The following ROBO3 variants were observed in gnomAD, a reference collection of about 807,000 sequenced individuals.
ROBO3 encodes the protein roundabout guidance receptor 3, also known as roundabout homolog 3.
In ROBO3, 97 loss-of-function variants were observed where a neutral mutation model predicts 160.5. The observed-to-expected ratio is 0.60, with a 90% confidence interval of 0.51 to 0.72. The LOEUF (loss-of-function observed/expected upper bound fraction) is 0.72, where lower values mean the gene tolerates loss of function less well. Ranked by LOEUF, ROBO3 falls within the 30% of genes least tolerant of loss-of-function variation. ROBO3 has a pLI of 0.00. For synonymous variants in ROBO3, 780 were observed against 746.2 expected, an observed-to-expected ratio of 1.05 and a Z score of -0.74; for missense variants, 1,858 against 1,846.5, an observed-to-expected ratio of 1.01 and a Z score of -0.11.
rs1258806403 is a variant in ROBO3, at chr11:124,869,587, G to A, written c.625G>A (p.Glu209Lys). 8 of 1,574,150 alleles carry A rather than the reference G, an allele frequency of 5.1e-6. No homozygotes were observed. The highest frequency in any genetic ancestry group is 1.3e-5 in the African/African-American group (1 of 74,200). The change falls in exon 3 of 28, where the codon GAA becomes AAA. Residue 209 changes from glutamate to lysine, a missense_variant. Glu to Lys is a moderately conservative substitution (Grantham distance 56). Transcript: ENST00000397801. The surrounding 1 kb of genome is among the most constrained non-coding windows in gnomAD (Gnocchi z 4.2). ...SWRKDGARLK[E>K]EEGRITIRGG... The stretch of plus-strand genomic sequence containing the variant: ...GAGGAAGGACGGTGCAAGACTCAAG[G>A]AAGAGGAAGGAAGGATCACGGTGAG...
At position 124,869,541 on chromosome 11, in the gene ROBO3, C is replaced by G; in HGVS notation, c.579C>G (p.His193Gln). Residue 193 changes from histidine to glutamine, a missense_variant, in exon 3 of 28, where the codon CAC becomes CAG. By Grantham distance (24) the His-to-Gln change is conservative. Transcript: ENST00000397801. The surrounding 1 kb of genome is among the most constrained non-coding windows in gnomAD (Gnocchi z 4.2). The part of the protein sequence containing the change: ...AVLECVPPRG[H>Q]PEPSVSWRKD... ...TGGAATGCGTGCCCCCCCGCGGCCA[C>G]CCGGAGCCTTCCGTGTCCTGGAGGA... is the stretch of plus-strand genomic sequence containing the variant. 4.5e-6 allele frequency: 7 copies of G among 1,565,512 alleles called. No individual in the cohort carries two copies. Among genetic ancestry groups the G allele is most frequent in the Admixed American group, 1.9e-5 (1 of 52,700 alleles).
rs1308214801 is a variant in ROBO3 at position 124,872,102 on chromosome 11, T to A, written c.1159-279T>A. Among the ~76,000 whole-genome samples the A allele has an allele frequency of 6.6e-6, 1 of 152,210 alleles. No homozygotes were observed. The highest frequency in any genetic ancestry group is 2.4e-5 in the African/African-American group (1 of 41,448). On this transcript the variant is annotated intron_variant, in intron 7 of 27. Coordinates refer to ENST00000397801, the MANE Select transcript of ROBO3 (RefSeq NM_022370.4). The surrounding 1 kb of genome is among the most constrained non-coding windows in gnomAD (Gnocchi z 4.3). Reference sequence around the variant, plus strand: ...TATAACTATCCTCTAGAAGTCAAATTTGGGAAATTGGGGCTCAGGCAGGTT... The same window carrying A: ...TATAACTATCCTCTAGAAGTCAAATATGGGAAATTGGGGCTCAGGCAGGTT...
chr11:124,876,118 GC>G lies in ROBO3; in HGVS notation c.2587del (p.Gln863SerfsTer141). 1 of 1,600,632 alleles carries G rather than the reference GC, an allele frequency of 6.2e-7. No individual in the cohort carries two copies. The highest frequency in any genetic ancestry group is 8.5e-7 in the Non-Finnish European group (1 of 1,176,518). On this transcript the variant is annotated frameshift_variant, in exon 16 of 28. Coordinates refer to ENST00000397801, the MANE Select transcript of ROBO3 (RefSeq NM_022370.4). LOFTEE classifies it high-confidence loss of function. The surrounding 1 kb of genome is among the most constrained non-coding windows in gnomAD (Gnocchi z 5.3). ...VGVPSAPVLVQLPSPPDLEPG... is the reference protein window; with the variant it reads ...VGVPSAPVLVXLPSPPDLEPG... ...GCGTGCCCAGTGCCCCAGTGCTGGT[GC>G]AGCTGCGTGAGTCCACCCGAGGGCA...
At position 124,876,084 on chromosome 11, in the gene ROBO3, C is replaced by A; in HGVS notation, c.2552C>A (p.Ala851Glu). 1 of 1,608,722 alleles carries A rather than the reference C, an allele frequency of 6.2e-7. No homozygotes were observed. Among genetic ancestry groups the A allele is most frequent in the Non-Finnish European group, 8.5e-7 (1 of 1,179,460 alleles). Residue 851 changes from alanine to glutamate, a missense_variant, in exon 16 of 28, where the codon GCA (alanine) becomes GAA (glutamate). Physicochemically the swap from Ala to Glu is moderately radical, Grantham distance 107 (BLOSUM62 -1). Transcript: ENST00000397801. The surrounding 1 kb of genome is among the most constrained non-coding windows in gnomAD (Gnocchi z 5.3). Reference sequence around the variant, plus strand: ...ACCCTGGTCGCGGCGGCCACCAGCGCAGGCGTGGGCGTGCCCAGTGCCCCA... The same window carrying A: ...ACCCTGGTCGCGGCGGCCACCAGCGAAGGCGTGGGCGTGCCCAGTGCCCCA... Reference protein sequence around the residue: ...YRTLVAAATSAGVGVPSAPVL... With the variant: ...YRTLVAAATSEGVGVPSAPVL...
rs1218601437 is a variant in ROBO3, at chr11:124,879,510, G to C, written c.3731G>C (p.Gly1244Ala). Residue 1244 changes from glycine (G) to alanine (A), a missense_variant, in exon 25 of 28, where the codon GGA (glycine) becomes GCA (alanine). Transcript: ENST00000397801. ...GGGGAGATGACTCCCCCACTTCAAGGACCCCGTGCTCGATTCCGGAAGAAA... is the reference window on the plus strand; with the variant it reads ...GGGGAGATGACTCCCCCACTTCAAGCACCCCGTGCTCGATTCCGGAAGAAA... ...GNGEMTPPLQ[G>A]PRARFRKKPK... The C allele has an allele frequency of 6.8e-6, 11 of 1,613,784 alleles. No individual in the cohort carries two copies. In the Admixed American group the frequency reaches 8.3e-5, roughly 12 times the overall value.
At position 124,870,186 on chromosome 11, in the gene ROBO3, G is replaced by T. The variant is rs1239902316; in HGVS notation, c.788G>T (p.Arg263Ile). The T allele has an allele frequency of 1.9e-5, 30 of 1,614,046 alleles. No individual in the cohort carries two copies. The highest frequency in any genetic ancestry group is 2.5e-5 in the Non-Finnish European group (30 of 1,179,894). The change falls in exon 5 of 28, where the codon AGA becomes ATA. Residue 263 changes from arginine (R) to isoleucine (I), a missense_variant. By Grantham distance (97) the Arg-to-Ile change is moderately conservative. Coordinates refer to ENST00000397801, the MANE Select transcript of ROBO3 (RefSeq NM_022370.4). ...MVLERPSFLR[R>I]PVNQVVLADA... is the part of the protein sequence containing the mutation. The stretch of plus-strand genomic sequence containing the variant: ...ATAGAGCGTCCCTCATTCCTGCGCA[G>T]ACCAGTGAATCAGGTGGTCCTGGCT...
At chr11:124,871,686 G>A (rs1290941692) in intron 7 of ROBO3, among the ~76,000 whole-genome samples, 2 of 152,298 alleles carry the variant, frequency 1.3e-5, no homozygotes, top group South Asian at 2.1e-4. Flanking sequence ...TCTCTCTAAA[G>A]GAAGGGTAGG....
Position 124,878,870 on chromosome 11 carries a change from G to A in ROBO3, c.3533+74G>A. Reference sequence around the variant, plus strand: ...CTACTCAGTAGATGACTGGGTGGGTGGATGGATGGATGGGTGGATGGATCT... The same window carrying A: ...CTACTCAGTAGATGACTGGGTGGGTAGATGGATGGATGGGTGGATGGATCT... On this transcript the variant is annotated intron_variant, in intron 23 of 27. Coordinates refer to ENST00000397801, the MANE Select transcript of ROBO3 (RefSeq NM_022370.4). The surrounding 1 kb of genome is among the most constrained non-coding windows in gnomAD (Gnocchi z 4.3). 3 of 1,217,234 alleles carry A rather than the reference G, an allele frequency of 2.5e-6. No homozygotes were observed. The highest frequency in any genetic ancestry group is 3.5e-6 in the Non-Finnish European group (3 of 855,426). 75.4% of individuals were successfully genotyped at this position (1,217,234 alleles called of 1,614,324 possible). A position where few individuals can be genotyped will look rare whatever the true frequency, so the allele number is the denominator to read the frequency against.
chr11:124,875,579 C>T lies in ROBO3; in HGVS notation c.2315C>T (p.Pro772Leu). Residue 772 changes from proline (P) to leucine (L), a missense_variant, in exon 15 of 28, where the codon CCA becomes CTA. Physicochemically the swap from Pro to Leu is moderately conservative, Grantham distance 98. Transcript: ENST00000397801. The stretch of plus-strand genomic sequence containing the variant: ...CCTGGCCCAGCCCCCAGTGGCCCCC[C>T]ACAGGGAGTGGCGGTGGCCTTGGGG... Reference protein sequence around the residue: ...SIPEEAPSGPPQGVAVALGGD... With the variant: ...SIPEEAPSGPLQGVAVALGGD... The T allele has an allele frequency of 6.2e-7, 1 of 1,611,956 alleles. No homozygotes were observed. Among genetic ancestry groups the T allele is most frequent in the South Asian group, 1.1e-5 (1 of 90,814 alleles).
chr11:124,871,471 C>G (rs1946279348), intron 7 of ROBO3, among the ~76,000 whole-genome samples: 2 of 152,182 alleles, frequency 1.3e-5, no homozygotes, highest in Non-Finnish European at 2.9e-5. Context: ...ACCCCTTGGG[C>G]TTTGGCTTTG....
In ROBO3 at chr11:124,874,256, G is replaced by A. The variant is rs1946319740; in HGVS notation, c.1951+20G>A. On this transcript the variant is annotated intron_variant, in intron 12 of 27. Transcript: ENST00000397801. ...CACAGGGTAAGGTCAGAGTCCCTGGGCTCATGAGCATGAAATGTAACATCA... is the reference window on the plus strand; with the variant it reads ...CACAGGGTAAGGTCAGAGTCCCTGGACTCATGAGCATGAAATGTAACATCA... The A allele has an allele frequency of 1.3e-6, 2 of 1,597,836 alleles. No individual in the cohort carries two copies. The highest frequency in any genetic ancestry group is 1.7e-4 in the Middle Eastern group (1 of 5,988).
rs2135334153 is a variant in ROBO3, at chr11:124,875,647, C to T, written c.2383C>T (p.Leu795Phe). The T allele has an allele frequency of 6.2e-7, 1 of 1,610,142 alleles. No homozygotes were observed. Among genetic ancestry groups the T allele is most frequent in the South Asian group, 1.1e-5 (1 of 90,472 alleles). ...SSITVSWEPP[L>F]PSQQNGVITE... ...TATCACTGTGTCCTGGGAACCTCCA[C>T]TCCCCTCCCAGCAAAATGGGGTCAT... The change falls in exon 15 of 28, where the codon CTC (leucine) becomes TTC (phenylalanine). Residue 795 changes from leucine (L) to phenylalanine (F), a missense_variant. Coordinates refer to ENST00000397801, the MANE Select transcript of ROBO3 (RefSeq NM_022370.4).
In ROBO3 at chr11:124,876,974, C is replaced by G. The variant is rs188175508; in HGVS notation, c.2780-187C>G. On this transcript the variant is annotated intron_variant, in intron 17 of 27. Coordinates refer to ENST00000397801, the MANE Select transcript of ROBO3 (RefSeq NM_022370.4). The surrounding 1 kb of genome is among the most constrained non-coding windows in gnomAD (Gnocchi z 5.3). ...CTTGGTTGGCTACACATAGGAATCACTTGAGGGGCTTGAGAAAAATACCGA... is the reference window on the plus strand; with the variant it reads ...CTTGGTTGGCTACACATAGGAATCAGTTGAGGGGCTTGAGAAAAATACCGA... 1.2e-4 allele frequency: 88 copies of G among 706,714 alleles called. No homozygotes were observed. In the African/African-American group the frequency reaches 1.4e-3, roughly 11 times the overall value. The allele number at this position is 706,714 out of a possible 1,614,324, so 43.8% of individuals were successfully genotyped here.
chr11:124,875,064 A>G, intron 13 of ROBO3, 47 bp from the exon 14 acceptor site: 1 of 1,532,386 alleles, frequency 6.5e-7, no homozygotes, highest in Non-Finnish European at 8.8e-7. Flanking sequence ...GAGGGCCTGT[A>G]TGGCCCCAGC....
chr11:124,880,037 C>A, intron 26 of ROBO3, 89 bp downstream of exon 26: 1 of 1,291,960 alleles, frequency 7.7e-7, no homozygotes. Flanking sequence ...CAGCTCAGCC[C>A]TCCCTTTAGT....
At position 124,869,639 on chromosome 11, in the gene ROBO3, C is replaced by T. The variant is rs556236489; in HGVS notation, c.645+32C>T. 3 of 1,533,832 alleles carry T rather than the reference C, an allele frequency of 2.0e-6. No individual in the cohort carries two copies. The highest frequency in any genetic ancestry group is 1.8e-6 in the Non-Finnish European group (2 of 1,137,020). ...GCGGGATTATGATTGGAGACCCCAA[C>T]AAGGGAGGGGACATAGGGTAGGGAG... is the stretch of plus-strand genomic sequence containing the variant. On this transcript the variant is annotated intron_variant, in intron 3 of 27. Transcript: ENST00000397801. This position sits in a 1 kb window ranked among gnomAD's most constrained non-coding sequence, Gnocchi z 4.2.
Position 124,865,885 on chromosome 11 carries a change from A to G in ROBO3, c.160+148A>G. 1.1e-6 allele frequency: 1 copy of G among 941,288 alleles called. No individual in the cohort carries two copies. The highest frequency in any genetic ancestry group is 1.5e-6 in the Non-Finnish European group (1 of 649,878). The allele number at this position is 941,288 out of a possible 1,614,324, so 58.3% of individuals were successfully genotyped here. ...CTCCCTGGGTCGTGGGGTCTAAGGG[A>G]TAATTTGGAGCTTCGAGCACATGAG... On this transcript the variant is annotated intron_variant, in intron 1 of 27. Coordinates refer to ENST00000397801, the MANE Select transcript of ROBO3 (RefSeq NM_022370.4). This position sits in a 1 kb window ranked among gnomAD's most constrained non-coding sequence, Gnocchi z 5.5.
In ROBO3 at chr11:124,878,825, T is replaced by C. The variant is rs756446362; in HGVS notation, c.3533+29T>C. 1.3e-6 allele frequency: 2 copies of C among 1,556,842 alleles called. No individual in the cohort carries two copies. The highest frequency in any genetic ancestry group is 2.2e-5 in the South Asian group (2 of 89,550). ...GGGAGGTATATAGTACCTCACTCAT[T>C]GCAAGCCCTCTATACGTATCTACTC... On this transcript the variant is annotated intron_variant, in intron 23 of 27. Coordinates refer to ENST00000397801, the MANE Select transcript of ROBO3 (RefSeq NM_022370.4). This position sits in a 1 kb window ranked among gnomAD's most constrained non-coding sequence, Gnocchi z 4.3.
At position 124,880,499 on chromosome 11, in the gene ROBO3, A is replaced by T. The variant is rs984993475; in HGVS notation, c.4040A>T (p.Asn1347Ile). ...GTSTCSTAGS[N>I]SSRGSSSSRG... ...AGCACATGTTCCACGGCCGGCAGCA[A>T]CTCTTCCAGGGGCTCCAGCAGCTCT... is the stretch of plus-strand genomic sequence containing the variant. Residue 1347 changes from asparagine (N) to isoleucine (I), a missense_variant, in exon 27 of 28, where the codon AAC (asparagine) becomes ATC (isoleucine). By Grantham distance (149) the Asn-to-Ile change is moderately radical. Coordinates refer to ENST00000397801, the MANE Select transcript of ROBO3 (RefSeq NM_022370.4). The T allele has an allele frequency of 1.3e-6, 2 of 1,598,576 alleles. No homozygotes were observed. Among genetic ancestry groups the T allele is most frequent in the African/African-American group, 2.7e-5 (2 of 74,384 alleles).
Sources: allele counts gnomAD v4.1 joint callset (sites outside exome capture counted in the v4.1 genomes callset), GRCh38; gene constraint gnomAD v4.1.1; non-coding constraint Gnocchi (gnomAD v3.1); transcripts MANE v1.5; gene names NCBI Gene and HGNC (gene_info 2026-07-23, HGNC 2026-07-21).